The following GLIPR2 variants were observed in gnomAD, a reference collection of about 807,000 sequenced individuals.
GLIPR2 encodes the protein Golgi-associated plant pathogenesis-related protein 1.
GLIPR2 carries 21 observed loss-of-function variants against 20.4 expected under a neutral mutation model. That is an observed-to-expected ratio of 1.03 (90% CI 0.73 to 1.48). The LOEUF is 1.48. GLIPR2 is among the 40% of genes most tolerant of loss of function. The pLI is 0.00. For synonymous variants in GLIPR2, 91 were observed against 80.5 expected, an observed-to-expected ratio of 1.13 and a Z score of -0.70; for missense variants, 205 against 200.1, an observed-to-expected ratio of 1.02 and a Z score of -0.15.
At chr9:36,150,370 G>A (rs960619271) in intron 3 of GLIPR2, among the ~76,000 whole-genome samples, 1 of 152,204 alleles carries the variant, frequency 6.6e-6, no homozygotes, top group Non-Finnish European at 1.5e-5. Context: ...GACAGTGGAT[G>A]CCCCAGGTGA....
chr9:36,154,603 C>A (rs1284984567), intron 4 of GLIPR2, among the ~76,000 whole-genome samples: 2 of 152,128 alleles, frequency 1.3e-5, no homozygotes, highest in African/African-American at 4.8e-5. Context: ...AGGATGTCAT[C>A]CCTTTAGGAA....
chr9:36,140,198 G>A (rs1448796452), intron 1 of GLIPR2, among the ~76,000 whole-genome samples: 1 of 152,034 alleles, frequency 6.6e-6, no homozygotes, highest in Admixed American at 6.6e-5. Context: ...TAGGCCACTG[G>A]GGACTTCCAC....
At chr9:36,141,254 C>T (rs956825014) in intron 1 of GLIPR2, among the ~76,000 whole-genome samples, 40 of 152,058 alleles carry the variant, frequency 2.6e-4, no homozygotes, top group African/African-American at 8.4e-4. Flanking sequence ...TGTCCAAGAT[C>T]GCATGGCCAG....
chr9:36,142,760 T>C (rs1451756536), intron 1 of GLIPR2, among the ~76,000 whole-genome samples: 1 of 151,786 alleles, frequency 6.6e-6, no homozygotes, highest in Non-Finnish European at 1.5e-5. Flanking sequence ...GGGGGTAGGG[T>C]GTGCTTCTTG....
At chr9:36,150,679 T>A (rs1825541737) in intron 3 of GLIPR2, among the ~76,000 whole-genome samples, 193 bp from the exon 4 acceptor site, 2 of 152,330 alleles carry the variant, frequency 1.3e-5, no homozygotes, top group Middle Eastern at 3.4e-3. Context: ...AGGCCCACTC[T>A]TCAGCCTGGC....
chr9:36,136,899 C>T lies in GLIPR2; in HGVS notation c.13+108C>T. 1 of 1,193,180 alleles carries T rather than the reference C, an allele frequency of 8.4e-7. No homozygotes were observed. 73.9% of individuals were successfully genotyped at this position (1,193,180 alleles called of 1,614,324 possible). On this transcript the variant is annotated intron_variant, in intron 1 of 4. Transcript: ENST00000377960. The surrounding 1 kb of genome is among the most constrained non-coding windows in gnomAD (Gnocchi z 4.3). ...CCAGGTCCTGGGGAGTGCGGGAGCC[C>T]GGGGTGCGGGTGGAGGGCGCGCGGG...
chr9:36,142,969 C>T (rs1414867489), intron 1 of GLIPR2, among the ~76,000 whole-genome samples: 2 of 152,060 alleles, frequency 1.3e-5, no homozygotes, highest in African/African-American at 4.8e-5. Flanking sequence ...ACCTCCTGGC[C>T]CCTTCCAGAG....
At chr9:36,156,609 T>A (rs1212785019) in intron 4 of GLIPR2, among the ~76,000 whole-genome samples, 1 of 152,170 alleles carries the variant, frequency 6.6e-6, no homozygotes, top group African/African-American at 2.4e-5. Flanking sequence ...AGTGGACCTG[T>A]ATGGGCCCAT....
chr9:36,157,213 A>G (rs898194993), intron 4 of GLIPR2, among the ~76,000 whole-genome samples: 54 of 139,662 alleles, frequency 3.9e-4, no homozygotes, highest in Admixed American at 1.8e-3. Flanking sequence ...TATTTTTAGT[A>G]GAGATGGGGT....
At chr9:36,148,685 G>A (rs1825446090) in intron 3 of GLIPR2, 35 bp downstream of exon 3, 1 of 1,429,302 alleles carries the variant, frequency 7.0e-7, no homozygotes. Flanking sequence ...CCTCTCTGCG[G>A]GAGCTGGAAG....
At chr9:36,162,338 C>T in intron 4 of GLIPR2, 24 bp from the exon 5 acceptor site, 1 of 1,602,792 alleles carries the variant, frequency 6.2e-7, no homozygotes, top group Middle Eastern at 1.7e-4. Flanking sequence ...CCGTGTCCCT[C>T]TCCCTCTGCC....
At chr9:36,138,675 CG>C (rs1184599153) in intron 1 of GLIPR2, among the ~76,000 whole-genome samples, 3 of 152,130 alleles carry the variant, frequency 2.0e-5, no homozygotes, top group African/African-American at 4.8e-5. Context: ...GACCCAGTGC[CG>C]GGGCGTGCAT....
intron 1 of GLIPR2, chr9:36,141,738 C>T (rs1825093343): frequency 1.1e-5 from 5 of 437,474 alleles, no homozygotes; most frequent in African/African-American, 4.1e-5. Context: ...ACTGCAGCCT[C>T]GATCTCCTGG....
At chr9:36,145,027 A>G (rs1485276137) in intron 1 of GLIPR2, 5 of 152,346 alleles carry the variant, frequency 3.3e-5, no homozygotes, top group African/African-American at 1.2e-4. Context: ...GAGTAGAAGA[A>G]AGGCACCAGT....
At chr9:36,138,247 C>T (rs754915306) in intron 1 of GLIPR2, among the ~76,000 whole-genome samples, 3 of 151,756 alleles carry the variant, frequency 2.0e-5, no homozygotes, top group Non-Finnish European at 2.9e-5. Context: ...CTTTCTGAGA[C>T]GTGGTCTCCT....
At chr9:36,151,211 C>T (rs1825569693) in intron 4 of GLIPR2, among the ~76,000 whole-genome samples, 1 of 152,204 alleles carries the variant, frequency 6.6e-6, no homozygotes. Flanking sequence ...AGAGCTCTTC[C>T]CATTCATGGA....
At chr9:36,154,780 A>G (rs1173807870) in intron 4 of GLIPR2, among the ~76,000 whole-genome samples, 1 of 152,228 alleles carries the variant, frequency 6.6e-6, no homozygotes, top group Non-Finnish European at 1.5e-5. Context: ...CAGCCTCATC[A>G]GCTTGGAAAA....
Position 36,162,759 on chromosome 9 carries a change from A to C in GLIPR2, c.*237A>C. 8.8e-5 allele frequency: 44 copies of C among 502,334 alleles called. No homozygotes were observed. Among genetic ancestry groups the C allele is most frequent in the East Asian group, 1.7e-4 (4 of 23,224 alleles). 31.1% of individuals were successfully genotyped at this position (502,334 alleles called of 1,614,324 possible). A position where few individuals can be genotyped will look rare whatever the true frequency, so the allele number is the denominator to read the frequency against. The stretch of plus-strand genomic sequence containing the variant: ...GGTTACCTAGACCACGATTATTTGG[A>C]TTGGGGGGAGGGGGGATCCGTTTTT... On this transcript the variant is annotated 3_prime_UTR_variant, in exon 5 of 5. Transcript: ENST00000377960.
rs140731645 is a variant in GLIPR2 at position 36,154,887 on chromosome 9, G to A, written c.304+3938G>A. On this transcript the variant is annotated intron_variant, in intron 4 of 4. Transcript: ENST00000377960. ...ATGGCAGCTTCTTCCTTTTCTGGGAGACAGAGAGTGGGAGGGTCGATGGCC... is the reference window on the plus strand; with the variant it reads ...ATGGCAGCTTCTTCCTTTTCTGGGAAACAGAGAGTGGGAGGGTCGATGGCC... 5.1e-3 allele frequency among the ~76,000 whole-genome samples: 781 copies of A among 152,332 alleles called. 13 individuals are homozygous for A. Among genetic ancestry groups the A allele is most frequent in the African/African-American group, 0.018 (758 of 41,576 alleles).
Sources: allele counts gnomAD v4.1 joint callset (sites outside exome capture counted in the v4.1 genomes callset), GRCh38; gene constraint gnomAD v4.1.1; non-coding constraint Gnocchi (gnomAD v3.1); transcripts MANE v1.5; gene names NCBI Gene and HGNC (gene_info 2026-07-23, HGNC 2026-07-21).